The following SLC30A8 variants were observed in gnomAD, a reference collection of about 807,000 sequenced individuals.
SLC30A8 encodes proton-coupled zinc antiporter SLC30A8.
SLC30A8 carries 27 observed loss-of-function variants against 36.9 expected under a neutral mutation model. That is an observed-to-expected ratio of 0.73 (90% CI 0.54 to 1.01). The LOEUF (loss-of-function observed/expected upper bound fraction) is 1.01. Among genes scored for constraint, SLC30A8 ranks in the 50% least tolerant of loss-of-function variants. The pLI, the probability that SLC30A8 is intolerant of heterozygous loss-of-function variation, is 0.00. For synonymous variants in SLC30A8, 164 were observed against 172.4 expected (o/e 0.95, Z 0.38); for missense variants, 439 against 452.0 (o/e 0.97, Z 0.26).
At chr8:117,018,767 A>C (rs1816611185) in intron 1 of SLC30A8, among the ~76,000 whole-genome samples, 1 of 149,302 alleles carries the variant, frequency 6.7e-6, no homozygotes. Flanking sequence ...CCTGGGTTCA[A>C]GCGATTCTCC....
At chr8:117,016,576 T>C (rs577669392) in intron 1 of SLC30A8, among the ~76,000 whole-genome samples, 4 of 152,300 alleles carry the variant, frequency 2.6e-5, no homozygotes, top group African/African-American at 9.6e-5. Flanking sequence ...GGTTCCCTGT[T>C]TAGTCACTGA....
Position 117,176,200 on chromosome 8 carries a change from C to CTT in SLC30A8, c.*3522_*3523dup, listed in dbSNP as rs1823677525. On this transcript the variant is annotated 3_prime_UTR_variant, in exon 8 of 8. Transcript: ENST00000456015. ...GTTAAATTTTGTGACCCAACAAAGT[C>CTT]TTTTAGCACTGTGGTGTCAAAAAGA... The CTT allele has an allele frequency of 6.6e-6, 1 of 152,332 alleles. No homozygotes were observed. Among genetic ancestry groups the CTT allele is most frequent in the African/African-American group, 2.4e-5 (1 of 41,392 alleles). The allele number at this position is 152,332 out of a possible 1,614,324, so 9.4% of individuals were successfully genotyped here.
Position 117,173,965 on chromosome 8 carries a change from A to G in SLC30A8, c.*1284A>G, listed in dbSNP as rs1823535250. 1 of 152,164 alleles carries G rather than the reference A, an allele frequency of 6.6e-6. No individual in the cohort carries two copies. The highest frequency in any genetic ancestry group is 2.1e-4 in the South Asian group (1 of 4,820). The allele number at this position is 152,164 out of a possible 1,614,324, so 9.4% of individuals were successfully genotyped here. A position where few individuals can be genotyped will look rare whatever the true frequency, so the allele number is the denominator to read the frequency against. Reference sequence around the variant, plus strand: ...AGCTCTGCTGGACTTTGAATTACATATGGAGGCTCTCCAGGAAGACGAAGA... The same window carrying G: ...AGCTCTGCTGGACTTTGAATTACATGTGGAGGCTCTCCAGGAAGACGAAGA... On this transcript the variant is annotated 3_prime_UTR_variant, in exon 8 of 8. Transcript: ENST00000456015.
intron 2 of SLC30A8, among the ~76,000 whole-genome samples, chr8:117,117,468 C>T (rs1211573707): frequency 1.3e-5 from 2 of 151,976 alleles, no homozygotes; most frequent in Admixed American, 1.3e-4. Flanking sequence ...GCACCAAAGG[C>T]TTCCACTGTT....
intron 2 of SLC30A8, among the ~76,000 whole-genome samples, chr8:117,072,485 T>A (rs999949635): frequency 7.9e-5 from 12 of 152,218 alleles, no homozygotes; most frequent in African/African-American, 2.9e-4. Context: ...TAATGTTTCA[T>A]CCTTAATACC....
intron 1 of SLC30A8, among the ~76,000 whole-genome samples, chr8:116,996,499 G>A (rs1026597058): frequency 3.9e-5 from 6 of 151,978 alleles, no homozygotes; most frequent in Admixed American, 6.6e-5. Context: ...TTGTGGTGAG[G>A]GTACTTAAAA....
chr8:116,974,757 A>G (rs766439752), intron 1 of SLC30A8, among the ~76,000 whole-genome samples: 36 of 152,130 alleles, frequency 2.4e-4, no homozygotes, highest in Non-Finnish European at 4.4e-4. Flanking sequence ...TTGTGGCACT[A>G]TTCACAATAA....
chr8:117,078,981 C>T (rs949810518), intron 2 of SLC30A8, among the ~76,000 whole-genome samples: 3 of 151,898 alleles, frequency 2.0e-5, no homozygotes, highest in African/African-American at 7.3e-5. Flanking sequence ...AGCCAATGTG[C>T]CTGGCCTGAA....
At chr8:116,964,101 G>C (rs942715231) in intron 1 of SLC30A8, among the ~76,000 whole-genome samples, 1 of 152,170 alleles carries the variant, frequency 6.6e-6, no homozygotes, top group African/African-American at 2.4e-5. Flanking sequence ...ATTCGATCTG[G>C]ATAGGTGTGG....
At chr8:116,976,178 G>A (rs1233714109) in intron 1 of SLC30A8, among the ~76,000 whole-genome samples, 1 of 151,210 alleles carries the variant, frequency 6.6e-6, no homozygotes, top group African/African-American at 2.4e-5. Context: ...AATTAGCCAG[G>A]TGTGGTGACG....
intron 2 of SLC30A8, among the ~76,000 whole-genome samples, chr8:117,053,537 G>A (rs1036856923): frequency 7.9e-5 from 12 of 152,094 alleles, no homozygotes; most frequent in East Asian, 1.9e-4. Flanking sequence ...GCCCGAGCCC[G>A]AGCCCCAGCC....
At chr8:117,104,480 T>C (rs960517546) in intron 2 of SLC30A8, among the ~76,000 whole-genome samples, 9 of 152,200 alleles carry the variant, frequency 5.9e-5, no homozygotes, top group African/African-American at 2.2e-4. Flanking sequence ...GCATCTTCAA[T>C]GTTCATATTT....
intron 1 of SLC30A8, among the ~76,000 whole-genome samples, chr8:117,000,247 G>A (rs2130683590): frequency 6.6e-6 from 1 of 152,334 alleles, no homozygotes; most frequent in East Asian, 1.9e-4. Context: ...GGTGTGGGCA[G>A]TGATGGGGGA....
rs1002300050 is a variant in SLC30A8, at chr8:117,057,000, A to T, written c.-226+17742A>T. On this transcript the variant is annotated intron_variant, in intron 2 of 10. Transcript: ENST00000427715. Reference sequence around the variant, plus strand: ...ACAGAATCTCACTTGTATAATGAGGATAGCACTTGCCTTAGTCCACTAGGG... The same window carrying T: ...ACAGAATCTCACTTGTATAATGAGGTTAGCACTTGCCTTAGTCCACTAGGG... Among the ~76,000 whole-genome samples the T allele has an allele frequency of 2.6e-5, 4 of 152,202 alleles. No individual in the cohort carries two copies. The East Asian group carries it at 7.7e-4, about 29-fold the overall frequency.
intron 1 of SLC30A8, among the ~76,000 whole-genome samples, chr8:116,989,542 AATT>A (rs545787611): frequency 2.3e-4 from 35 of 152,218 alleles, no homozygotes; most frequent in Non-Finnish European, 4.6e-4. Context: ...TATTCAAAAT[AATT>A]ATTATTGTTT....
At chr8:117,055,268 A>T (rs1278614262) in intron 2 of SLC30A8, among the ~76,000 whole-genome samples, 1 of 152,178 alleles carries the variant, frequency 6.6e-6, no homozygotes, top group African/African-American at 2.4e-5. Flanking sequence ...AAAGATGACA[A>T]AGAATAGAAA....
chr8:116,997,250 G>A (rs527551536), intron 1 of SLC30A8, among the ~76,000 whole-genome samples: 1 of 152,218 alleles, frequency 6.6e-6, no homozygotes. Flanking sequence ...CAGTTTGCCT[G>A]TTCTTCTGAT....
intron 2 of SLC30A8, among the ~76,000 whole-genome samples, chr8:117,063,000 C>T (rs183809828): frequency 2.0e-5 from 3 of 152,286 alleles, no homozygotes; most frequent in African/African-American, 7.2e-5. Flanking sequence ...GAGAGGGCTT[C>T]AGGCAACAGC....
In SLC30A8 at chr8:117,157,917, T is replaced by TA. The variant is rs372745247; in HGVS notation, c.572+79dup. 9.0e-4 allele frequency: 1,381 copies of TA among 1,534,232 alleles called. 13 individuals carry two copies. In the African/African-American group the frequency reaches 0.017, roughly 19 times the overall value. On this transcript the variant is annotated intron_variant, in intron 4 of 7. Coordinates refer to ENST00000456015, the MANE Select transcript of SLC30A8 (RefSeq NM_173851.3). ...AACTATCTGGACAAAGTCGACCTTT[T>TA]AAAAAACTCAGTACATGTGAAGATG...
Sources: gnomAD v4.1 joint callset for allele counts (sites outside exome capture counted in the v4.1 genomes callset) on GRCh38, gnomAD v4.1.1 for gene constraint, MANE v1.5 for transcripts, NCBI Gene and HGNC (gene_info 2026-07-23, HGNC 2026-07-21) for gene names.